The following WWC2 variants were observed in gnomAD, a reference collection of about 807,000 sequenced individuals.
WWC2 encodes WW and C2 domain containing 2.
In WWC2, 101 loss-of-function variants were observed where a neutral mutation model predicts 138.5. The ratio of observed to expected loss-of-function variants is 0.73; its 90% CI spans 0.62 to 0.86. The LOEUF (loss-of-function observed/expected upper bound fraction) is 0.86. WWC2 is among the 40% of genes least tolerant of loss of function. The probability of loss-of-function intolerance (pLI) is 0.00; values close to 1 mark genes in which losing one functional copy is unlikely to be tolerated. For missense variants in WWC2, 1,420 were observed against 1,419.4 expected (o/e 1.00, Z -0.01); for synonymous variants, 558 against 538.4 (o/e 1.04, Z -0.50).
chr4:183,169,784 A>G (rs1294665427), intron 1 of WWC2, among the ~76,000 whole-genome samples: 1 of 152,210 alleles, frequency 6.6e-6, no homozygotes, highest in African/African-American at 2.4e-5. Flanking sequence ...TTAAAGTGCT[A>G]CAAGTTCCCC....
At chr4:183,131,964 C>T (rs1377565865) in intron 1 of WWC2, among the ~76,000 whole-genome samples, 1 of 152,194 alleles carries the variant, frequency 6.6e-6, no homozygotes, top group East Asian at 1.9e-4. Flanking sequence ...GATGCCTCTT[C>T]CACACCAGTT....
At chr4:183,232,525 T>C (rs948239039) in intron 4 of WWC2, among the ~76,000 whole-genome samples, 3 of 152,238 alleles carry the variant, frequency 2.0e-5, no homozygotes, top group Admixed American at 2.0e-4. Flanking sequence ...CATCGTATAC[T>C]GTGTGATCAT....
chr4:183,145,827 T>C (rs879502701), intron 1 of WWC2, among the ~76,000 whole-genome samples: 1 of 152,220 alleles, frequency 6.6e-6, no homozygotes, highest in East Asian at 1.9e-4. Context: ...TTATGTATCA[T>C]GAAATCTTCT....
At chr4:183,192,806 C>T (rs1580042084) in intron 1 of WWC2, among the ~76,000 whole-genome samples, 1 of 151,730 alleles carries the variant, frequency 6.6e-6, no homozygotes, top group Non-Finnish European at 1.5e-5. Flanking sequence ...TGCCCATGGC[C>T]GCTCCAGTAG....
chr4:183,282,627 A>G, intron 17 of WWC2, 81 bp from the exon 18 acceptor site: 12 of 1,370,602 alleles, frequency 8.8e-6, no homozygotes, highest in Non-Finnish European at 1.2e-5. Context: ...TATTTCCCAG[A>G]TAACAACTTA....
At chr4:183,205,745 G>T (rs1254144037) in intron 2 of WWC2, among the ~76,000 whole-genome samples, 1 of 152,138 alleles carries the variant, frequency 6.6e-6, no homozygotes, top group Non-Finnish European at 1.5e-5. Flanking sequence ...TGTTGTTAAG[G>T]TGTAACTTTG....
intron 21 of WWC2, among the ~76,000 whole-genome samples, chr4:183,310,543 C>A (rs141924446): frequency 3.9e-5 from 6 of 152,100 alleles, no homozygotes; most frequent in Non-Finnish European, 5.9e-5. Flanking sequence ...TGCTCTGTCA[C>A]GAAGGCTGTA....
At chr4:183,152,087 G>A (rs1278685807) in intron 1 of WWC2, among the ~76,000 whole-genome samples, 1 of 152,220 alleles carries the variant, frequency 6.6e-6, no homozygotes, top group Admixed American at 6.5e-5. Context: ...GAAAGTATCA[G>A]TGTAGTGTGG....
chr4:183,292,987 G>A (rs1376979374), intron 21 of WWC2, among the ~76,000 whole-genome samples: 2 of 152,124 alleles, frequency 1.3e-5, no homozygotes, highest in African/African-American at 2.4e-5. Flanking sequence ...TGTTTCTTTC[G>A]CTCTGTTACC....
intron 9 of WWC2, among the ~76,000 whole-genome samples, chr4:183,258,255 G>A (rs1158237601): frequency 2.0e-5 from 3 of 151,896 alleles, no homozygotes; most frequent in South Asian, 2.1e-4. Flanking sequence ...TTTTTTCCTC[G>A]TTGAGTTTTT....
At chr4:183,137,362 T>A (rs1561431644) in intron 1 of WWC2, among the ~76,000 whole-genome samples, 1 of 152,166 alleles carries the variant, frequency 6.6e-6, no homozygotes. Context: ...ATAAGCTTTT[T>A]TGTTTTAAAA....
chr4:183,208,446 A>G (rs923833162), intron 3 of WWC2, among the ~76,000 whole-genome samples: 8 of 152,146 alleles, frequency 5.3e-5, no homozygotes, highest in African/African-American at 1.9e-4. Flanking sequence ...GAACAGTGCA[A>G]GTAGTTTGGC....
intron 18 of WWC2, among the ~76,000 whole-genome samples, 182 bp from the exon 19 acceptor site, chr4:183,284,044 A>G (rs1738164556): frequency 6.6e-6 from 1 of 152,176 alleles, no homozygotes; most frequent in Non-Finnish European, 1.5e-5. Flanking sequence ...ACTGAAGAAC[A>G]ATTCTCCCCA....
intron 1 of WWC2, among the ~76,000 whole-genome samples, chr4:183,154,017 A>T (rs1042666984): frequency 6.6e-6 from 1 of 151,546 alleles, no homozygotes; most frequent in Non-Finnish European, 1.5e-5. Context: ...AAAAAAAAAA[A>T]AAAAAAAAAA....
Position 183,312,409 on chromosome 4 carries a change from G to T in WWC2, c.3453G>T (p.Lys1151Asn). The T allele has an allele frequency of 6.2e-7, 1 of 1,613,884 alleles. No individual in the cohort carries two copies. Among genetic ancestry groups the T allele is most frequent in the Non-Finnish European group, 8.5e-7 (1 of 1,179,814 alleles). Residue 1151 changes from lysine to asparagine, a missense_variant, in exon 22 of 23, where the codon AAG (lysine) becomes AAT (asparagine). Coordinates refer to ENST00000403733, the MANE Select transcript of WWC2 (RefSeq NM_024949.6). Reference sequence around the variant, plus strand: ...AGAAGTTGATGAGGCAAGTCTCCAAGGACGTGTGTCGGCTCCGGGAGCAGA... The same window carrying T: ...AGAAGTTGATGAGGCAAGTCTCCAATGACGTGTGTCGGCTCCGGGAGCAGA... Reference protein sequence around the residue: ...NAEKLMRQVSKDVCRLREQSQ... With the variant: ...NAEKLMRQVSNDVCRLREQSQ...
Position 183,289,465 on chromosome 4 carries a change from G to T in WWC2, c.3214G>T (p.Asp1072Tyr). Residue 1072 changes from aspartate (D) to tyrosine (Y), a missense_variant, in exon 21 of 23, where the codon GAC (aspartate) becomes TAC (tyrosine). Physicochemically the swap from Asp to Tyr is radical, Grantham distance 160. Transcript: ENST00000403733. ...GCGGACATCTCTAGACTTAGAACTG[G>T]ACCTTCAGGCATCTCTGACCCGGCA... is the stretch of plus-strand genomic sequence containing the variant. ...PVRTSLDLEL[D>Y]LQASLTRQSR... is the part of the protein sequence containing the mutation. 6.2e-7 allele frequency: 1 copy of T among 1,613,416 alleles called. No homozygotes were observed. Among genetic ancestry groups the T allele is most frequent in the South Asian group, 1.1e-5 (1 of 90,924 alleles).
intron 1 of WWC2, among the ~76,000 whole-genome samples, chr4:183,185,545 C>T (rs185867271): frequency 2.7e-3 from 413 of 152,266 alleles, no homozygotes; most frequent in Middle Eastern, 6.8e-3. Context: ...GTATATTTTT[C>T]CTGTTATTTG....
chr4:183,314,519 G>A (rs1263140970), intron 22 of WWC2, among the ~76,000 whole-genome samples: 1 of 152,214 alleles, frequency 6.6e-6, no homozygotes, highest in Non-Finnish European at 1.5e-5. Flanking sequence ...GGGGTGGTGA[G>A]ATCAGGCAGC....
In WWC2 at chr4:183,319,527, C is replaced by T. The variant is rs1408769513; in HGVS notation, c.*3798C>T. 1.9e-6 allele frequency: 3 copies of T among 1,574,854 alleles called. No individual in the cohort carries two copies. Among genetic ancestry groups the T allele is most frequent in the African/African-American group, 1.4e-5 (1 of 73,474 alleles). On this transcript the variant is annotated 3_prime_UTR_variant, in exon 23 of 23. Transcript: ENST00000403733. ...AAATCCAGTGTTGAGCAAGCGTCTC[C>T]TGAACAGCAGACGCTTGTCCTTTCT...
Sources: gnomAD v4.1 joint callset for allele counts (sites outside exome capture counted in the v4.1 genomes callset) on GRCh38, gnomAD v4.1.1 for gene constraint, MANE v1.5 for transcripts, NCBI Gene and HGNC (gene_info 2026-07-23, HGNC 2026-07-21) for gene names.